FRMD6: variants seen among roughly 807,000 people sequenced by gnomAD.
The protein encoded by FRMD6 is FERM domain containing 6, also known as FERM domain-containing protein 6.
Under a neutral mutation model 73.2 loss-of-function variants are expected in FRMD6, and 37 were observed. That is an observed-to-expected ratio of 0.51 (90% CI 0.39 to 0.66). FRMD6 has a LOEUF of 0.66. FRMD6 is among the 30% of genes least tolerant of loss of function. The probability of loss-of-function intolerance (pLI) is 0.00; values close to 1 mark genes in which losing one functional copy is unlikely to be tolerated. For missense variants in FRMD6, 714 were observed against 780.5 expected (o/e 0.91, Z 1.02); for synonymous variants, 273 against 282.2 (o/e 0.97, Z 0.33).
the FRMD6 span, among the ~76,000 whole-genome samples, chr14:51,479,286 A>G: frequency 9.1e-3 from 1,379 of 152,312 alleles, 20 homozygotes; most frequent in African/African-American, 0.031. Flanking sequence ...ACATTGTACA[A>G]ACATGTTCAC....
At chr14:51,572,367 C>T (rs1363387624) in intron 2 of FRMD6, among the ~76,000 whole-genome samples, 1 of 152,204 alleles carries the variant, frequency 6.6e-6, no homozygotes, top group Admixed American at 6.5e-5. Context: ...AAGGAACTTT[C>T]CCTAATCTTT....
chr14:51,459,057 G>A, the FRMD6 span, among the ~76,000 whole-genome samples: 997 of 150,972 alleles, frequency 6.6e-3, 10 homozygotes, highest in African/African-American at 0.023. Context: ...ACACGGCAGC[G>A]TAGTGAAGTG....
chr14:51,546,396 C>CT (rs11413471), intron 1 of FRMD6, among the ~76,000 whole-genome samples: 51,944 of 128,926 alleles, frequency 0.4, 10,090 homozygotes, highest in African/African-American at 0.48. Flanking sequence ...AAGAGAAACT[C>CT]TTTTTTTTTT....
In FRMD6 at chr14:51,550,335, G is replaced by A. The variant is rs573218512; in HGVS notation, c.-209-20013G>A. ...CTCACTGCAGCCTTGGCCTCCCTGG[G>A]CTCAAGTGATTCTCCCACCTCAGCC... On this transcript the variant is annotated intron_variant, in intron 1 of 14. Coordinates refer to the FRMD6 transcript ENST00000356218. Among the ~76,000 whole-genome samples, 10 of 152,280 alleles carry A rather than the reference G, an allele frequency of 6.6e-5. No homozygotes were observed. The South Asian group carries it at 1.9e-3, about 28-fold the overall frequency.
At chr14:51,716,611 C>T (rs974323879) in intron 10 of FRMD6, among the ~76,000 whole-genome samples, 1 of 152,084 alleles carries the variant, frequency 6.6e-6, no homozygotes, top group Non-Finnish European at 1.5e-5. Flanking sequence ...CCAAATGAGA[C>T]CCGGTTTGGC....
intron 2 of FRMD6, among the ~76,000 whole-genome samples, chr14:51,644,741 T>C (rs967526907): frequency 6.6e-6 from 1 of 152,230 alleles, no homozygotes; most frequent in Non-Finnish European, 1.5e-5. Context: ...ATGGACTATT[T>C]GCAGAACAGA....
At chr14:51,659,319 C>T (rs1229461978) in intron 1 of FRMD6, among the ~76,000 whole-genome samples, 2 of 152,200 alleles carry the variant, frequency 1.3e-5, no homozygotes, top group South Asian at 2.1e-4. Context: ...TAATAAACGT[C>T]TTACGTGATG....
At chr14:51,457,511 G>T in the FRMD6 span, among the ~76,000 whole-genome samples, 1 of 152,172 alleles carries the variant, frequency 6.6e-6, no homozygotes, top group Non-Finnish European at 1.5e-5. Flanking sequence ...TGAAGCTAAT[G>T]ATGTGGCAAA....
intron 2 of FRMD6, chr14:51,579,067 C>T (rs1888565157): frequency 6.6e-6 from 1 of 152,082 alleles, no homozygotes. Flanking sequence ...GTATCACTTC[C>T]CTTTGGAGAG....
At chr14:51,533,497 A>C (rs896224019) in intron 1 of FRMD6, among the ~76,000 whole-genome samples, 6 of 152,186 alleles carry the variant, frequency 3.9e-5, no homozygotes, top group African/African-American at 1.4e-4. Context: ...TAATGCATAG[A>C]GATTACGGCT....
chr14:51,679,262 T>A (rs1260559864), intron 1 of FRMD6, among the ~76,000 whole-genome samples: 5 of 144,516 alleles, frequency 3.5e-5, no homozygotes, highest in African/African-American at 7.7e-5. Context: ...AAGGAAGGAT[T>A]TTTTTTTCTT....
chr14:51,727,842 T>C lies in FRMD6; in HGVS notation c.1682T>C (p.Leu561Pro). ...AAAGACTTCCTGCGCATTGCAGGTC[T>C]GTGTCAGGACACTGCTCAGAGTTAC... Reference protein sequence around the residue: ...YQKDFLRIAGLCQDTAQSYTF... With the variant: ...YQKDFLRIAGPCQDTAQSYTF... The change falls in exon 14 of 14, where the codon CTG (leucine) becomes CCG (proline). Residue 561 changes from leucine (L) to proline (P), a missense_variant. Physicochemically the swap from Leu to Pro is moderately conservative, Grantham distance 98. Coordinates refer to ENST00000344768, the MANE Select transcript of FRMD6 (RefSeq NM_001267046.2). The C allele has an allele frequency of 6.2e-7, 1 of 1,614,222 alleles. No individual in the cohort carries two copies. Among genetic ancestry groups the C allele is most frequent in the Non-Finnish European group, 8.5e-7 (1 of 1,180,010 alleles).
Position 51,729,018 on chromosome 14 carries a change from A to C in FRMD6, c.*989A>C, listed in dbSNP as rs988067931. On this transcript the variant is annotated 3_prime_UTR_variant, in exon 14 of 14. Transcript: ENST00000344768. ...TCCATGACTATCTTTTATACATGGA[A>C]TTCCTTAAGATTGAGAATATGTCAC... The C allele has an allele frequency of 1.3e-5, 2 of 152,206 alleles. No homozygotes were observed. The highest frequency in any genetic ancestry group is 4.8e-5 in the African/African-American group (2 of 41,436). The allele number at this position is 152,206 out of a possible 1,614,324, so 9.4% of individuals were successfully genotyped here.
chr14:51,689,947 C>A lies in FRMD6; in HGVS notation c.99+12C>A, dbSNP rs200472783. On this transcript the variant is annotated intron_variant, in intron 2 of 13. Coordinates refer to ENST00000344768, the MANE Select transcript of FRMD6 (RefSeq NM_001267046.2). ...ACATCATCATAAATGTGAGTAGATCCAGTTTTAGAAATGTCTAAATATTGT... is the reference window on the plus strand; with the variant it reads ...ACATCATCATAAATGTGAGTAGATCAAGTTTTAGAAATGTCTAAATATTGT... The A allele has an allele frequency of 6.8e-5, 104 of 1,524,914 alleles. No individual in the cohort carries two copies. The highest frequency in any genetic ancestry group is 6.8e-4 in the Middle Eastern group (4 of 5,892). The allele number at this position is 1,524,914 out of a possible 1,614,324, so 94.5% of individuals were successfully genotyped here. A position where few individuals can be genotyped will look rare whatever the true frequency, so the allele number is the denominator to read the frequency against.
intron 13 of FRMD6, among the ~76,000 whole-genome samples, chr14:51,727,093 C>T (rs909535919): frequency 1.3e-5 from 2 of 152,028 alleles, no homozygotes; most frequent in Admixed American, 6.5e-5. Context: ...GACTCGTGTT[C>T]GGGAACTTAG....
At chr14:51,639,649 T>C (rs1891733376) in intron 2 of FRMD6, among the ~76,000 whole-genome samples, 1 of 152,220 alleles carries the variant, frequency 6.6e-6, no homozygotes, top group Non-Finnish European at 1.5e-5. Context: ...CTGTCATTAT[T>C]TTAAATGATT....
At chr14:51,520,846 GC>G (rs1189439971) in intron 1 of FRMD6, among the ~76,000 whole-genome samples, 1 of 152,100 alleles carries the variant, frequency 6.6e-6, no homozygotes, top group Non-Finnish European at 1.5e-5. Context: ...GGAGGTCGAG[GC>G]TGCAGTGAGC....
At chr14:51,658,772 A>G (rs777693255) in intron 1 of FRMD6, among the ~76,000 whole-genome samples, 25 of 152,240 alleles carry the variant, frequency 1.6e-4, no homozygotes, top group Non-Finnish European at 3.4e-4. Context: ...AAGGAAAACT[A>G]TTCATGTATA....
intron 2 of FRMD6, among the ~76,000 whole-genome samples, chr14:51,644,419 C>T (rs2140046360): frequency 6.7e-6 from 1 of 149,110 alleles, no homozygotes; most frequent in East Asian, 2.0e-4. Flanking sequence ...TCTCTCCCTC[C>T]CTGATCTCTA....
Sources: allele counts gnomAD v4.1 joint callset (sites outside exome capture counted in the v4.1 genomes callset), GRCh38; gene constraint gnomAD v4.1.1; transcripts MANE v1.5; gene names NCBI Gene and HGNC (gene_info 2026-07-23, HGNC 2026-07-21).